USP49: variants seen among roughly 807,000 people sequenced by gnomAD.
USP49 encodes ubiquitin carboxyl-terminal hydrolase 49.
A neutral mutation model predicts 58.6 loss-of-function variants in USP49; 24 were observed. The ratio of observed to expected loss-of-function variants is 0.41; its 90% CI spans 0.30 to 0.58. USP49 has a LOEUF of 0.58. Ranked by LOEUF, USP49 falls within the 20% of genes least tolerant of loss-of-function variation. USP49 has a pLI of 0.30. For missense variants in USP49, 703 were observed against 866.1 expected (o/e 0.81, Z 2.36); for synonymous variants, 408 against 365.1 (o/e 1.12, Z -1.34).
chr6:41,855,374 G>A (rs1774108783), intron 3 of USP49, among the ~76,000 whole-genome samples: 3 of 151,674 alleles, frequency 2.0e-5, no homozygotes, highest in African/African-American at 2.4e-5. Flanking sequence ...AATTAGCCAG[G>A]AGCGGTGGTG....
intron 3 of USP49, among the ~76,000 whole-genome samples, chr6:41,828,288 CA>C (rs963144215): frequency 4.0e-4 from 58 of 145,422 alleles, no homozygotes; most frequent in Non-Finnish European, 3.0e-4. Context: ...ACTAAAAATA[CA>C]AAAAAAAAAA....
chr6:41,799,918 G>T lies in USP49; in HGVS notation c.1582C>A (p.Pro528Thr). ...GCTTCACTCAGAACAAGGGGTTTGGGATTGGATTTTCGTCGTTTGCCTATG... is the reference window on the plus strand; with the variant it reads ...GCTTCACTCAGAACAAGGGGTTTGGTATTGGATTTTCGTCGTTTGCCTATG... Reference protein sequence around the residue: ...QCNSKRRKSNPKPLVLSEARK... With the variant: ...QCNSKRRKSNTKPLVLSEARK... Residue 528 changes from proline to threonine, a missense_variant, in exon 6 of 8, where the codon CCC becomes ACC. Physicochemically the swap from Pro to Thr is conservative, Grantham distance 38. This residue lies in a region of USP49 where 158 missense variants were observed against 241.2 expected (regional missense o/e 0.66). Coordinates refer to ENST00000682992, the MANE Select transcript of USP49 (RefSeq NM_001286554.2). 1 of 1,614,120 alleles carries T rather than the reference G, an allele frequency of 6.2e-7. No homozygotes were observed. The highest frequency in any genetic ancestry group is 1.1e-5 in the South Asian group (1 of 91,086).
Position 41,825,966 on chromosome 6 carries a change from A to G in USP49, c.-28-18955T>C, listed in dbSNP as rs185504356. On this transcript the variant is annotated intron_variant, in intron 3 of 7. Transcript: ENST00000682992. ...ATTCACACAGAAACTTAACAGAACT[A>G]ATAAGAACTAAACTGGGCCAGGTGC... Among the ~76,000 whole-genome samples, 25 of 152,344 alleles carry G rather than the reference A, an allele frequency of 1.6e-4. 1 individual carries two copies. In the East Asian group the frequency reaches 4.6e-3, roughly 28 times the overall value.
intron 3 of USP49, among the ~76,000 whole-genome samples, chr6:41,860,260 A>AGAGG (rs374425254): frequency 1.4e-4 from 21 of 151,390 alleles, no homozygotes; most frequent in African/African-American, 4.6e-4. Context: ...TTGCAAGGAG[A>AGAGG]GAGGGAGGGA....
intron 3 of USP49, among the ~76,000 whole-genome samples, chr6:41,868,233 A>G (rs747059314): frequency 2.6e-4 from 40 of 152,362 alleles, no homozygotes; most frequent in Non-Finnish European, 4.3e-4. Context: ...ACAGGATGAA[A>G]TGAGATAATG....
At chr6:41,891,677 A>C (rs1464677892) in intron 2 of USP49, 117 bp downstream of exon 2, 2 of 152,212 alleles carry the variant, frequency 1.3e-5, no homozygotes, top group African/African-American at 2.4e-5. Flanking sequence ...TGCTGGTTGG[A>C]GAGAAGGCAG....
chr6:41,793,502 GC>G lies in USP49; in HGVS notation c.*3030del, dbSNP rs1478083404. On this transcript the variant is annotated 3_prime_UTR_variant, in exon 8 of 8. Transcript: ENST00000682992. Reference sequence around the variant, plus strand: ...TCTCAATCTCTTGACCTTGTGATCCGCCCTCCTCGGCCTCCCAAAGTGCTGG... The same window carrying G: ...TCTCAATCTCTTGACCTTGTGATCCGCCTCCTCGGCCTCCCAAAGTGCTGG... 6.6e-6 allele frequency: 1 copy of G among 152,628 alleles called. No homozygotes were observed. The highest frequency in any genetic ancestry group is 2.4e-5 in the African/African-American group (1 of 41,388). The allele number at this position is 152,628 out of a possible 1,614,324, so 9.5% of individuals were successfully genotyped here. A position where few individuals can be genotyped will look rare whatever the true frequency, so the allele number is the denominator to read the frequency against.
Position 41,796,312 on chromosome 6 carries a change from A to C in USP49, c.*221T>G. On this transcript the variant is annotated 3_prime_UTR_variant, in exon 8 of 8. Transcript: ENST00000682992. The stretch of plus-strand genomic sequence containing the variant: ...CAACTGATGAAAGGATCTTCATAGA[A>C]GTTACTTCTTTTGTTTTTAGGAAAG... The C allele has an allele frequency of 6.2e-6, 3 of 486,118 alleles. No individual in the cohort carries two copies. Among genetic ancestry groups the C allele is most frequent in the Non-Finnish European group, 7.4e-6 (2 of 271,946 alleles). The allele number at this position is 486,118 out of a possible 1,614,324, so 30.1% of individuals were successfully genotyped here.
intron 3 of USP49, among the ~76,000 whole-genome samples, chr6:41,821,451 C>G (rs867464055): frequency 1.3e-5 from 2 of 152,190 alleles, no homozygotes; most frequent in African/African-American, 4.8e-5. Flanking sequence ...GTTGTTCTCT[C>G]TTTCTGAAAC....
intron 3 of USP49, among the ~76,000 whole-genome samples, chr6:41,850,909 A>G (rs1375722858): frequency 6.6e-6 from 1 of 152,012 alleles, no homozygotes. Flanking sequence ...CCATGGATAA[A>G]TTCTTAGAAA....
intron 3 of USP49, among the ~76,000 whole-genome samples, chr6:41,837,583 A>G (rs115454579): frequency 0.013 from 1,984 of 152,366 alleles, 27 homozygotes; most frequent in South Asian, 0.061. Context: ...CAATTGCAGC[A>G]AAAGCAAAAA....
In USP49 at chr6:41,866,833, T is replaced by C. The variant is rs375218410; in HGVS notation, c.-29+4731A>G. On this transcript the variant is annotated intron_variant, in intron 3 of 7. Transcript: ENST00000682992. ...TCTAGAATTGTTATGAAAATTGTTT[T>C]AACTTCATCAGCCCCTGAAAGGATC... Among the ~76,000 whole-genome samples the C allele has an allele frequency of 1.4e-4, 22 of 152,312 alleles. No homozygotes were observed. In the East Asian group the frequency reaches 3.7e-3, roughly 25 times the overall value.
chr6:41,806,387 C>A lies in USP49; in HGVS notation c.597G>T (p.Glu199Asp), dbSNP rs780327350. 1.3e-6 allele frequency: 2 copies of A among 1,551,608 alleles called. No individual in the cohort carries two copies. Among genetic ancestry groups the A allele is most frequent in the African/African-American group, 1.4e-5 (1 of 73,860 alleles). Reference protein sequence around the residue: ...RREVKRRLLEELASTPPRKSA... With the variant: ...RREVKRRLLEDLASTPPRKSA... ...TCTTGCGCGGAGGGGTGCTGGCCAG[C>A]TCCTCCAGCAGCCGCCGTTTCACCT... The change falls in exon 4 of 8, where the codon GAG (glutamate) becomes GAT (aspartate). Residue 199 changes from glutamate to aspartate, a missense_variant. Around this residue, in one of 6 missense-constraint regions of USP49, gnomAD observed 376 missense variants for 373.5 expected, o/e 1.01. Coordinates refer to ENST00000682992, the MANE Select transcript of USP49 (RefSeq NM_001286554.2). This position sits in a 1 kb window ranked among gnomAD's most constrained non-coding sequence, Gnocchi z 5.9.
intron 3 of USP49, among the ~76,000 whole-genome samples, chr6:41,849,117 A>C (rs1201293883): frequency 6.6e-6 from 1 of 152,202 alleles, no homozygotes; most frequent in East Asian, 1.9e-4. Context: ...AAAGTCTGGA[A>C]AAAGATATTC....
At chr6:41,862,635 A>G (rs1458693058) in intron 3 of USP49, among the ~76,000 whole-genome samples, 1 of 152,244 alleles carries the variant, frequency 6.6e-6, no homozygotes, top group African/African-American at 2.4e-5. Context: ...AATGTGATTT[A>G]ATGAACTCAA....
chr6:41,827,488 C>T (rs1189605059), intron 3 of USP49, among the ~76,000 whole-genome samples: 1 of 151,896 alleles, frequency 6.6e-6, no homozygotes, highest in Non-Finnish European at 1.5e-5. Flanking sequence ...GGTGAAACCC[C>T]GTCTCTACTA....
rs142274519 is a variant in USP49, at chr6:41,806,618, C to T, written c.366G>A (p.Ser122=). 4 of 1,610,982 alleles carry T rather than the reference C, an allele frequency of 2.5e-6. No homozygotes were observed. Among genetic ancestry groups the T allele is most frequent in the African/African-American group, 2.7e-5 (2 of 74,932 alleles). ...GCTGCGGCAGGACCACGTCCTCACC[C>T]GAAGCCATGGACCGCAGCGTCCGCC... ...RRGRTLRSMA[S]GEDVVLPQRA... is the part of the protein sequence containing the mutation. Residue 122 remains serine (S), a synonymous_variant, in exon 4 of 8, where the codon TCG becomes TCA. Coordinates refer to ENST00000682992, the MANE Select transcript of USP49 (RefSeq NM_001286554.2). This position sits in a 1 kb window ranked among gnomAD's most constrained non-coding sequence, Gnocchi z 5.9.
intron 7 of USP49, chr6:41,797,824 C>CCT: frequency 1.0e-6 from 1 of 984,902 alleles, no homozygotes. Context: ...ACTACAATAT[C>CCT]CTCTAACACT....
intron 3 of USP49, among the ~76,000 whole-genome samples, chr6:41,818,212 T>C (rs1452396370): frequency 2.6e-5 from 4 of 152,148 alleles, no homozygotes; most frequent in South Asian, 2.1e-4. Flanking sequence ...AACTTAATAT[T>C]CTTGCTATAA....
Sources: allele counts gnomAD v4.1 joint callset (sites outside exome capture counted in the v4.1 genomes callset), GRCh38; gene constraint gnomAD v4.1.1; regional missense constraint gnomAD v4.1.1; non-coding constraint Gnocchi (gnomAD v3.1); transcripts MANE v1.5; gene names NCBI Gene and HGNC (gene_info 2026-07-23, HGNC 2026-07-21).